The following CYP2F1 variants were observed in gnomAD, a reference collection of about 807,000 sequenced individuals.
CYP2F1 encodes cytochrome P450 2F1.
CYP2F1 carries 33 observed loss-of-function variants against 40.4 expected under a neutral mutation model. The observed-to-expected ratio is 0.82, with a 90% CI of 0.62 to 1.09. The LOEUF (loss-of-function observed/expected upper bound fraction) is 1.09. CYP2F1 is among the 50% of genes least tolerant of loss of function. The probability of loss-of-function intolerance (pLI) is 0.00; values close to 1 mark genes in which losing one functional copy is unlikely to be tolerated. For missense variants in CYP2F1, 566 were observed against 655.7 expected (o/e 0.86, Z 1.49); for synonymous variants, 235 against 277.2 (o/e 0.85, Z 1.51).
intron 3 of CYP2F1, among the ~76,000 whole-genome samples, chr19:41,119,744 TATATACACACACACACAC>T (rs1298260494): frequency 1.4e-4 from 9 of 63,902 alleles, no homozygotes; most frequent in African/African-American, 4.0e-4. Context: ...TATATATATA[TATATACACACACACACAC>T]ACACACACAC....
intron 1 of CYP2F1, among the ~76,000 whole-genome samples, chr19:41,115,521 C>G (rs532916191): frequency 6.7e-6 from 1 of 149,474 alleles, no homozygotes; most frequent in Admixed American, 6.8e-5. Flanking sequence ...ATGACAGTCT[C>G]TTGACAGACA....
chr19:41,119,683 G>GTCTCTCTCTCTC lies in CYP2F1; in HGVS notation c.335-634_335-623dup, dbSNP rs1159535426. Among the ~76,000 whole-genome samples the GTCTCTCTCTCTC allele has an allele frequency of 9.3e-3, 125 of 13,394 alleles. 1 individual carries two copies. Among genetic ancestry groups the GTCTCTCTCTCTC allele is most frequent in the Non-Finnish European group, 0.012 (86 of 7,314 alleles). 8.8% of individuals were successfully genotyped at this position (13,394 alleles called of 152,430 possible). On this transcript the variant is annotated intron_variant, in intron 3 of 9. Coordinates refer to ENST00000331105, the MANE Select transcript of CYP2F1 (RefSeq NM_000774.5). ...CAGCCTGGCAACAGAGCAAGACTCC[G>GTCTCTCTCTCTC]TCTCTCTCTCTCTCTCTCTCTCTCT...
At chr19:41,120,215 G>C (rs1358167869) in intron 3 of CYP2F1, 132 bp from the exon 4 acceptor site, 1 of 830,094 alleles carries the variant, frequency 1.2e-6, no homozygotes, top group African/African-American at 1.7e-5. Context: ...GGGTCCAGAA[G>C]GGCTTACTGG....
intron 3 of CYP2F1, 139 bp downstream of exon 3, chr19:41,116,756 G>A (rs138177478): frequency 2.7e-4 from 271 of 993,974 alleles, no homozygotes; most frequent in Admixed American, 3.5e-4. Context: ...AATGCAGCGA[G>A]GCAGTGTTGG....
chr19:41,124,656 T>A (rs569581968), intron 7 of CYP2F1, 63 bp from the exon 8 acceptor site: 1 of 1,469,200 alleles, frequency 6.8e-7, no homozygotes, highest in African/African-American at 1.4e-5. Flanking sequence ...ACACCTCTTA[T>A]CAGCCTGGTT....
At chr19:41,123,041 C>T (rs750838904) in intron 7 of CYP2F1, 78 bp downstream of exon 7, 82 of 1,497,872 alleles carry the variant, frequency 5.5e-5, no homozygotes, top group African/African-American at 8.3e-5. Flanking sequence ...CACGGCCCCG[C>T]CTCCCAGGTC....
Position 41,116,490 on chromosome 19 carries a change from C to T in CYP2F1, c.207C>T (p.His69=), listed in dbSNP as rs2144745556. The T allele has an allele frequency of 6.2e-7, 1 of 1,613,934 alleles. No individual in the cohort carries two copies. Among genetic ancestry groups the T allele is most frequent in the Non-Finnish European group, 8.5e-7 (1 of 1,179,922 alleles). Residue 69 remains histidine, a synonymous_variant, in exon 3 of 10, where the codon CAC becomes CAT. Coordinates refer to ENST00000331105, the MANE Select transcript of CYP2F1 (RefSeq NM_000774.5). Reference sequence around the variant, plus strand: ...AGTATGGCTCCATGTACACAGTGCACCTGGGACCCAGGCGGGTGGTGGTCC... The same window carrying T: ...AGTATGGCTCCATGTACACAGTGCATCTGGGACCCAGGCGGGTGGTGGTCC... ...SKEYGSMYTV[H]LGPRRVVVLS...
intron 9 of CYP2F1, chr19:41,125,863 T>C (rs1292517907): frequency 1.3e-6 from 1 of 755,362 alleles, no homozygotes; most frequent in Non-Finnish European, 2.0e-6. Flanking sequence ...CTGGGCATGG[T>C]GACTCACACC....
chr19:41,126,386 T>C (rs981744618), intron 9 of CYP2F1, among the ~76,000 whole-genome samples: 2 of 151,868 alleles, frequency 1.3e-5, no homozygotes, highest in African/African-American at 4.8e-5. Context: ...GATCATGTCA[T>C]TGCACTCCAG....
chr19:41,122,519 C>T (rs1471390516), intron 6 of CYP2F1, among the ~76,000 whole-genome samples: 9 of 151,560 alleles, frequency 5.9e-5, no homozygotes, highest in Non-Finnish European at 1.2e-4. Flanking sequence ...CATACATACA[C>T]ACACACATAC....
In CYP2F1 at chr19:41,122,869, G is replaced by A. The variant is rs776202770; in HGVS notation, c.870G>A (p.Met290Ile). The change falls in exon 7 of 10, where the codon ATG becomes ATA. Residue 290 changes from methionine (M) to isoleucine (I), a missense_variant. By Grantham distance (10) the Met-to-Ile change is conservative. Coordinates refer to ENST00000331105, the MANE Select transcript of CYP2F1 (RefSeq NM_000774.5). ...LSHFHMDTLL[M>I]TTHNLLFGGT... Reference sequence around the variant, plus strand: ...ACTTCCACATGGATACCCTGCTGATGACCACACATAACCTGCTCTTTGGCG... The same window carrying A: ...ACTTCCACATGGATACCCTGCTGATAACCACACATAACCTGCTCTTTGGCG... 2.5e-6 allele frequency: 4 copies of A among 1,574,768 alleles called. No individual in the cohort carries two copies. Among genetic ancestry groups the A allele is most frequent in the East Asian group, 4.5e-5 (2 of 44,404 alleles).
intron 9 of CYP2F1, among the ~76,000 whole-genome samples, chr19:41,127,509 T>G (rs2032589937): frequency 6.6e-6 from 1 of 152,174 alleles, no homozygotes; most frequent in South Asian, 2.1e-4. Flanking sequence ...TTTTAAAATT[T>G]TTTTTGTAGA....
intron 7 of CYP2F1, 190 bp downstream of exon 7, chr19:41,123,153 C>G (rs144438871): frequency 2.8e-6 from 2 of 716,506 alleles, no homozygotes; most frequent in Non-Finnish European, 5.0e-6. Flanking sequence ...GCAGCCTGCC[C>G]GAATCCCGAC....
chr19:41,127,039 C>A lies in CYP2F1; in HGVS notation c.1295-862C>A, dbSNP rs1372582852. Among the ~76,000 whole-genome samples, 12 of 152,304 alleles carry A rather than the reference C, an allele frequency of 7.9e-5. No individual in the cohort carries two copies. In the East Asian group the frequency reaches 2.3e-3, roughly 29 times the overall value. Reference sequence around the variant, plus strand: ...GCGTCAAGTGCTGCCTCTACAAGAGCCCAGCTAAGAGCTTATGTTTTCCTC... The same window carrying A: ...GCGTCAAGTGCTGCCTCTACAAGAGACCAGCTAAGAGCTTATGTTTTCCTC... On this transcript the variant is annotated intron_variant, in intron 9 of 9. Transcript: ENST00000331105.
chr19:41,117,233 C>A (rs1353685562), intron 3 of CYP2F1, among the ~76,000 whole-genome samples: 1 of 152,040 alleles, frequency 6.6e-6, no homozygotes, highest in Non-Finnish European at 1.5e-5. Context: ...CAGGCTCATG[C>A]GATTCTCCTG....
chr19:41,117,842 ATT>A (rs2031914094), intron 3 of CYP2F1, among the ~76,000 whole-genome samples: 6 of 151,532 alleles, frequency 4.0e-5, no homozygotes, highest in Admixed American at 3.3e-4. Flanking sequence ...TTATTTATTT[ATT>A]TATTTATTTA....
Position 41,127,891 on chromosome 19 carries a change from A to G in CYP2F1, c.1295-10A>G. ...TCTCACCGCCGCTCCCCATCCTGCC[A>G]CCCCTGCAGGGCGCCGTCTGTGCCT... is the stretch of plus-strand genomic sequence containing the variant. On this transcript the variant is annotated splice_polypyrimidine_tract_variant and intron_variant, in intron 9 of 9. Transcript: ENST00000331105. 1 of 1,607,368 alleles carries G rather than the reference A, an allele frequency of 6.2e-7. No homozygotes were observed. The highest frequency in any genetic ancestry group is 8.5e-7 in the Non-Finnish European group (1 of 1,176,590).
intron 4 of CYP2F1, among the ~76,000 whole-genome samples, 194 bp from the exon 5 acceptor site, chr19:41,121,264 G>C (rs1479535413): frequency 2.0e-5 from 3 of 151,626 alleles, no homozygotes. Context: ...TTGTGGGTTC[G>C]GTGCCGTCTG....
intron 2 of CYP2F1, 44 bp from the exon 3 acceptor site, chr19:41,116,411 C>G: frequency 6.2e-7 from 1 of 1,608,466 alleles, no homozygotes. Flanking sequence ...GGAGGGGTCC[C>G]ATGGCCACAG....
Sources: allele counts gnomAD v4.1 joint callset (sites outside exome capture counted in the v4.1 genomes callset), GRCh38; gene constraint gnomAD v4.1.1; transcripts MANE v1.5; gene names NCBI Gene and HGNC (gene_info 2026-07-23, HGNC 2026-07-21).